The following ENTREP2 variants were observed in gnomAD, a reference collection of about 807,000 sequenced individuals.
The protein encoded by ENTREP2 is endosomal transmembrane epsin interactor 2.
At chr15:29,149,038 G>A in the ENTREP2 span, among the ~76,000 whole-genome samples, 192 of 152,036 alleles carry the variant, frequency 1.3e-3, no homozygotes, top group African/African-American at 4.4e-3. Flanking sequence ...CACCATGCCC[G>A]GCTAATTTTT....
At chr15:29,499,304 T>C in the ENTREP2 span, among the ~76,000 whole-genome samples, 2 of 129,980 alleles carry the variant, frequency 1.5e-5, no homozygotes, top group African/African-American at 3.3e-5. Context: ...CTTTTCTGTA[T>C]CTACTATATG....
At chr15:29,200,277 G>T in the ENTREP2 span, among the ~76,000 whole-genome samples, 1 of 152,140 alleles carries the variant, frequency 6.6e-6, no homozygotes, top group Non-Finnish European at 1.5e-5. Flanking sequence ...CCGGGTTCAA[G>T]CGATTCTCAT....
chr15:29,428,238 G>C, the ENTREP2 span, among the ~76,000 whole-genome samples: 110 of 152,296 alleles, frequency 7.2e-4, no homozygotes, highest in African/African-American at 2.5e-3. Flanking sequence ...GTTTGAGACA[G>C]AGTCTCACTC....
chr15:29,472,703 G>A, the ENTREP2 span, among the ~76,000 whole-genome samples: 3 of 152,138 alleles, frequency 2.0e-5, no homozygotes, highest in Admixed American at 1.3e-4. Flanking sequence ...GACCTCATGT[G>A]ATCCATCTGC....
At chr15:29,234,147 A>G in the ENTREP2 span, 2 of 1,567,008 alleles carry the variant, frequency 1.3e-6, no homozygotes, top group Non-Finnish European at 1.8e-6. Flanking sequence ...TCTCCATGTC[A>G]TTCTCGTTCA....
At chr15:29,173,953 A>C in the ENTREP2 span, among the ~76,000 whole-genome samples, 1 of 151,742 alleles carries the variant, frequency 6.6e-6, no homozygotes. Flanking sequence ...CCAAAAAAAA[A>C]AAAAAAGCCA....
chr15:29,248,346 T>C, the ENTREP2 span, among the ~76,000 whole-genome samples: 5 of 152,082 alleles, frequency 3.3e-5, no homozygotes, highest in African/African-American at 7.2e-5. Context: ...AAGAGAAACA[T>C]TGGTAAATTT....
chr15:29,591,070 ATTTC>A, the ENTREP2 span, among the ~76,000 whole-genome samples: 130 of 152,300 alleles, frequency 8.5e-4, no homozygotes, highest in African/African-American at 2.9e-3. Context: ...ACAATTTCTC[ATTTC>A]TTTCTATCTA....
the ENTREP2 span, among the ~76,000 whole-genome samples, chr15:29,414,105 AC>A: frequency 5.2e-3 from 793 of 152,330 alleles, 10 homozygotes; most frequent in African/African-American, 0.018. Context: ...CAGAAAGTTA[AC>A]AAGGATATCC....
the ENTREP2 span, among the ~76,000 whole-genome samples, chr15:29,301,033 A>G: frequency 1.3e-5 from 2 of 152,236 alleles, no homozygotes; most frequent in African/African-American, 4.8e-5. Flanking sequence ...TTCTAGGGAG[A>G]AGGACTGAAA....
chr15:29,173,601 T>C, the ENTREP2 span, among the ~76,000 whole-genome samples: 46 of 152,226 alleles, frequency 3.0e-4, no homozygotes, highest in East Asian at 8.9e-3. Context: ...CCACCCGTGA[T>C]AGCAAGTGAT....
At chr15:29,278,127 C>T in the ENTREP2 span, among the ~76,000 whole-genome samples, 2 of 151,974 alleles carry the variant, frequency 1.3e-5, no homozygotes, top group African/African-American at 4.8e-5. Flanking sequence ...ACCCCCACCC[C>T]ACTGCAGCTC....
the ENTREP2 span, among the ~76,000 whole-genome samples, chr15:29,552,403 G>A: frequency 3.3e-5 from 5 of 152,018 alleles, no homozygotes; most frequent in Admixed American, 2.6e-4. Context: ...ACCGTCCAAA[G>A]CACCAGAAGG....
chr15:29,665,786 C>T, the ENTREP2 span, among the ~76,000 whole-genome samples: 1 of 151,820 alleles, frequency 6.6e-6, no homozygotes, highest in Non-Finnish European at 1.5e-5. Flanking sequence ...TTCCTATGTT[C>T]CTGTCTGCGT....
chr15:29,355,831 G>A, the ENTREP2 span, among the ~76,000 whole-genome samples: 4 of 152,178 alleles, frequency 2.6e-5, no homozygotes, highest in Admixed American at 6.5e-5. Flanking sequence ...CAGATAGTAA[G>A]CAAATGATGG....
At chr15:29,503,903 A>C in the ENTREP2 span, among the ~76,000 whole-genome samples, 1 of 152,186 alleles carries the variant, frequency 6.6e-6, no homozygotes, top group South Asian at 2.1e-4. Context: ...TGTCATGACT[A>C]AATTTGTATT....
the ENTREP2 span, among the ~76,000 whole-genome samples, chr15:29,656,847 G>A: frequency 1.7e-4 from 26 of 152,234 alleles, no homozygotes; most frequent in African/African-American, 6.0e-4. Flanking sequence ...TCACTGCTAG[G>A]TATTACCCAA....
chr15:29,164,181 C>T, the ENTREP2 span, among the ~76,000 whole-genome samples: 1 of 152,156 alleles, frequency 6.6e-6, no homozygotes, highest in African/African-American at 2.4e-5. Context: ...AATCTTGAAA[C>T]AAATCCTGGA....
At chr15:29,224,079 G>A in the ENTREP2 span, among the ~76,000 whole-genome samples, 519 of 152,258 alleles carry the variant, frequency 3.4e-3, 4 homozygotes, top group African/African-American at 0.012. Flanking sequence ...TAAAGACACC[G>A]TGTCCAGACT....
Sources: gnomAD v4.1 joint callset for allele counts (sites outside exome capture counted in the v4.1 genomes callset) on GRCh38, gnomAD v4.1.1 for gene constraint, MANE v1.5 for transcripts, NCBI Gene and HGNC (gene_info 2026-07-23, HGNC 2026-07-21) for gene names.